KCNIP4: variants seen among roughly 807,000 people sequenced by gnomAD.
The protein encoded by KCNIP4 is potassium voltage-gated channel interacting protein 4, also known as Kv channel-interacting protein 4.
KCNIP4 carries 12 observed loss-of-function variants against 34.0 expected under a neutral mutation model. The observed-to-expected ratio is 0.35, with a 90% CI of 0.23 to 0.57. KCNIP4 has a LOEUF of 0.57. KCNIP4 is among the 20% of genes least tolerant of loss of function. The pLI is 0.83. For synonymous variants in KCNIP4, 124 were observed against 102.2 expected (o/e 1.21, Z -1.29); for missense variants, 238 against 311.7 (o/e 0.76, Z 1.78).
chr4:21,077,803 C>T (rs377295857), intron 1 of KCNIP4, among the ~76,000 whole-genome samples: 3 of 151,982 alleles, frequency 2.0e-5, no homozygotes, highest in South Asian at 2.1e-4. Context: ...ATTGTTATTA[C>T]AATTATTATA....
At chr4:21,486,606 AG>A (rs961157497) in intron 1 of KCNIP4, among the ~76,000 whole-genome samples, 52 of 152,164 alleles carry the variant, frequency 3.4e-4, no homozygotes, top group African/African-American at 1.2e-3. Context: ...AAAATGACAA[AG>A]GTAATTTTCC....
At chr4:20,733,784 C>T (rs28507765) in intron 6 of KCNIP4, among the ~76,000 whole-genome samples, 17,948 of 152,124 alleles carry the variant, frequency 0.12, 1,321 homozygotes, top group African/African-American at 0.2. Flanking sequence ...TAATTTGGCA[C>T]CCACTAGTGA....
intron 1 of KCNIP4, among the ~76,000 whole-genome samples, chr4:21,911,552 A>T (rs1336367615): frequency 2.0e-5 from 2 of 98,282 alleles, no homozygotes; most frequent in African/African-American, 8.3e-5. Context: ...ACTTTTTGAG[A>T]TGGGATTTCT....
chr4:21,692,042 C>T (rs1187785444), intron 1 of KCNIP4, among the ~76,000 whole-genome samples: 2 of 151,968 alleles, frequency 1.3e-5, no homozygotes, highest in Admixed American at 6.6e-5. Flanking sequence ...CTTTAGACCT[C>T]GTGAAACATG....
At chr4:21,110,989 A>T (rs1444721615) in intron 1 of KCNIP4, among the ~76,000 whole-genome samples, 5 of 152,362 alleles carry the variant, frequency 3.3e-5, no homozygotes, top group Non-Finnish European at 7.3e-5. Flanking sequence ...AGATCTGTAA[A>T]CATAGAGTGT....
chr4:21,845,358 T>C (rs968570218), intron 1 of KCNIP4: 1 of 152,114 alleles, frequency 6.6e-6, no homozygotes, highest in African/African-American at 2.4e-5. Context: ...TTAAATTTCA[T>C]ATAATTTTCA....
At chr4:21,835,883 A>G (rs1723288813) in intron 1 of KCNIP4, among the ~76,000 whole-genome samples, 1 of 152,322 alleles carries the variant, frequency 6.6e-6, no homozygotes, top group South Asian at 2.1e-4. Context: ...AGCTTCAGCA[A>G]GGACTGACCT....
intron 1 of KCNIP4, among the ~76,000 whole-genome samples, chr4:21,082,907 C>CTATCTATA (rs1553935278): frequency 3.3e-5 from 5 of 150,672 alleles, no homozygotes; most frequent in Non-Finnish European, 7.4e-5. Context: ...ATCTATCTAT[C>CTATCTATA]TATCTAAAAT....
At chr4:21,553,455 A>G (rs1178234868) in intron 1 of KCNIP4, among the ~76,000 whole-genome samples, 1 of 152,168 alleles carries the variant, frequency 6.6e-6, no homozygotes, top group African/African-American at 2.4e-5. Context: ...TGCTAGAGGC[A>G]TAGATAAATA....
chr4:20,735,830 T>C lies in KCNIP4; in HGVS notation c.430-1095A>G, dbSNP rs117135108. 2.3e-3 allele frequency among the ~76,000 whole-genome samples: 354 copies of C among 152,260 alleles called. 8 individuals carry two copies. In the South Asian group the frequency reaches 0.046, roughly 20 times the overall value. On this transcript the variant is annotated intron_variant, in intron 5 of 8. Coordinates refer to ENST00000382152, the MANE Select transcript of KCNIP4 (RefSeq NM_025221.6). ...GATTACAGGCGTGAGCCACCACGCC[T>C]GGCCAGATTTCTTGTTGTTATGTAC...
At chr4:20,945,122 C>G (rs1023376285) in intron 1 of KCNIP4, among the ~76,000 whole-genome samples, 39 of 152,130 alleles carry the variant, frequency 2.6e-4, no homozygotes, top group African/African-American at 8.9e-4. Context: ...GTTGATGAAC[C>G]AGCAGCTTGG....
At chr4:21,286,115 A>C (rs2109187884) in intron 1 of KCNIP4, among the ~76,000 whole-genome samples, 1 of 152,232 alleles carries the variant, frequency 6.6e-6, no homozygotes, top group Non-Finnish European at 1.5e-5. Context: ...TCCTCCACTT[A>C]TCTTGGTTAC....
At chr4:21,568,124 C>A (rs55960027) in intron 1 of KCNIP4, among the ~76,000 whole-genome samples, 1 of 152,008 alleles carries the variant, frequency 6.6e-6, no homozygotes, top group Non-Finnish European at 1.5e-5. Context: ...GAATTCAAAT[C>A]GTATTATAAT....
At chr4:21,672,672 A>G (rs1749596057) in intron 1 of KCNIP4, among the ~76,000 whole-genome samples, 1 of 152,250 alleles carries the variant, frequency 6.6e-6, no homozygotes, top group African/African-American at 2.4e-5. Flanking sequence ...CGATTGGGAT[A>G]ACCACATGTT....
chr4:21,042,546 G>A (rs1742060269), intron 1 of KCNIP4, among the ~76,000 whole-genome samples: 1 of 152,066 alleles, frequency 6.6e-6, no homozygotes, highest in Admixed American at 6.6e-5. Context: ...AGGGGGAGGG[G>A]AGATAGTAGG....
chr4:21,581,467 G>C (rs1741193531), intron 1 of KCNIP4, among the ~76,000 whole-genome samples: 1 of 151,890 alleles, frequency 6.6e-6, no homozygotes, highest in Non-Finnish European at 1.5e-5. Flanking sequence ...ATGAGAGTTT[G>C]GCTACAGTCA....
intron 1 of KCNIP4, among the ~76,000 whole-genome samples, chr4:21,819,385 T>C (rs1421832353): frequency 6.6e-6 from 1 of 152,152 alleles, no homozygotes; most frequent in African/African-American, 2.4e-5. Context: ...TTCACCTTGA[T>C]TTTCACTCCC....
At chr4:21,849,329 C>T (rs868577210) in intron 1 of KCNIP4, 1 of 152,102 alleles carries the variant, frequency 6.6e-6, no homozygotes, top group South Asian at 2.1e-4. Flanking sequence ...TTAAGGTGAA[C>T]CACTGTGTTA....
intron 2 of KCNIP4, among the ~76,000 whole-genome samples, chr4:20,859,612 A>G (rs1721975523): frequency 6.6e-6 from 1 of 152,086 alleles, no homozygotes; most frequent in Non-Finnish European, 1.5e-5. Context: ...TGGGCTAGAA[A>G]TTGGAATTCA....
Sources: gnomAD v4.1 joint callset for allele counts (sites outside exome capture counted in the v4.1 genomes callset) on GRCh38, gnomAD v4.1.1 for gene constraint, MANE v1.5 for transcripts, NCBI Gene and HGNC (gene_info 2026-07-23, HGNC 2026-07-21) for gene names.